Variants in CAPN13 observed in about 807,000 individuals in gnomAD.
CAPN13 encodes calpain-13.
A neutral mutation model predicts 98.4 loss-of-function variants in CAPN13; 90 were observed. The ratio of observed to expected loss-of-function variants is 0.92; its 90% confidence interval spans 0.77 to 1.09. The LOEUF is 1.09. Among genes scored for constraint, CAPN13 ranks in the 50% least tolerant of loss-of-function variants. The probability of loss-of-function intolerance (pLI) is 0.00; values close to 1 mark genes in which losing one functional copy is unlikely to be tolerated. For synonymous variants in CAPN13, 330 were observed against 305.5 expected (o/e 1.08, Z -0.84); for missense variants, 887 against 841.3 (o/e 1.05, Z -0.67).
chr2:30,788,362 T>C (rs1674431888), intron 1 of CAPN13, among the ~76,000 whole-genome samples: 1 of 152,196 alleles, frequency 6.6e-6, no homozygotes, highest in African/African-American at 2.4e-5. Flanking sequence ...TTCCTTGAGT[T>C]GACAAGGAAG....
chr2:30,756,115 T>A (rs1672431291), intron 8 of CAPN13, among the ~76,000 whole-genome samples: 1 of 151,038 alleles, frequency 6.6e-6, no homozygotes, highest in Non-Finnish European at 1.5e-5. Context: ...TAGATCCGTC[T>A]CCCCCAGTCC....
intron 5 of CAPN13, among the ~76,000 whole-genome samples, chr2:30,765,216 T>C (rs1401349364): frequency 1.3e-5 from 2 of 152,112 alleles, no homozygotes; most frequent in Non-Finnish European, 2.9e-5. Context: ...GAACTTCAGC[T>C]CCCATCCATG....
Position 30,732,584 on chromosome 2 carries a change from C to A in CAPN13, c.1799-18G>T. 1.2e-6 allele frequency: 2 copies of A among 1,601,186 alleles called. No individual in the cohort carries two copies. Among genetic ancestry groups the A allele is most frequent in the Non-Finnish European group, 1.7e-6 (2 of 1,175,526 alleles). On this transcript the variant is annotated intron_variant, in intron 19 of 22. Coordinates refer to ENST00000295055, the MANE Select transcript of CAPN13 (RefSeq NM_144575.3). ...GAGGAAGTCTGGGGCCACAGGTGAA[C>A]GAGTGAGTGAGAGGAGGCTAGGGCT...
rs142006321 is a variant in CAPN13, at chr2:30,743,638, T to A, written c.1249-59A>T. ...AGCCTCCTCTGTGCATGGACCCCAG[T>A]CACCAAGAAAGACCCACCACCTTCT... On this transcript the variant is annotated intron_variant, in intron 12 of 22. Coordinates refer to ENST00000295055, the MANE Select transcript of CAPN13 (RefSeq NM_144575.3). The A allele has an allele frequency of 4.2e-3, 6,358 of 1,517,978 alleles. 69 individuals are homozygous for A. The highest frequency in any genetic ancestry group is 0.027 in the Middle Eastern group (160 of 5,882). The allele number at this position is 1,517,978 out of a possible 1,614,324, so 94.0% of individuals were successfully genotyped here. A position where few individuals can be genotyped will look rare whatever the true frequency, so the allele number is the denominator to read the frequency against.
chr2:30,738,605 T>C, intron 15 of CAPN13, 148 bp from the exon 16 acceptor site: 1 of 801,240 alleles, frequency 1.2e-6, no homozygotes, highest in Non-Finnish European at 2.1e-6. Flanking sequence ...ACTTACCTGA[T>C]GGCTGCCAGC....
At chr2:30,744,491 C>T (rs931250999) in intron 12 of CAPN13, among the ~76,000 whole-genome samples, 1 of 152,196 alleles carries the variant, frequency 6.6e-6, no homozygotes, top group Non-Finnish European at 1.5e-5. Context: ...AGAGGGTCAG[C>T]AGTGTCCCGT....
rs72867131 is a variant in CAPN13 at position 30,744,556 on chromosome 2, G to C, written c.1249-977C>G. ...TGTGTGGGTGCATGGGGAGGCAGTGGGCATGCAGAGGTGTGTGGGCAGCAT... is the reference window on the plus strand; with the variant it reads ...TGTGTGGGTGCATGGGGAGGCAGTGCGCATGCAGAGGTGTGTGGGCAGCAT... On this transcript the variant is annotated intron_variant, in intron 12 of 22. Coordinates refer to ENST00000295055, the MANE Select transcript of CAPN13 (RefSeq NM_144575.3). Among the ~76,000 whole-genome samples the C allele has an allele frequency of 5.4e-3, 817 of 152,264 alleles. 8 individuals carry two copies. The highest frequency in any genetic ancestry group is 0.019 in the African/African-American group (786 of 41,552).
chr2:30,744,038 G>A (rs182628411), intron 12 of CAPN13, among the ~76,000 whole-genome samples: 5 of 152,252 alleles, frequency 3.3e-5, no homozygotes, highest in Admixed American at 2.0e-4. Context: ...GTGAAGCCCC[G>A]AGATTCCTTC....
chr2:30,791,850 T>G (rs922479688), intron 1 of CAPN13, among the ~76,000 whole-genome samples: 2 of 152,260 alleles, frequency 1.3e-5, no homozygotes, highest in Admixed American at 1.3e-4. Flanking sequence ...TTATTATTTA[T>G]TTATCTGACT....
intron 9 of CAPN13, among the ~76,000 whole-genome samples, chr2:30,753,628 C>T: frequency 6.6e-6 from 1 of 152,190 alleles, no homozygotes; most frequent in East Asian, 1.9e-4. Flanking sequence ...ATCCCACCTC[C>T]TACTGTGATT....
At chr2:30,733,892 G>T (rs1671222858) in intron 19 of CAPN13, among the ~76,000 whole-genome samples, 1 of 152,194 alleles carries the variant, frequency 6.6e-6, no homozygotes, top group Non-Finnish European at 1.5e-5. Context: ...TTCCCAGTTT[G>T]CAGGGTAGTT....
At chr2:30,781,483 TG>T (rs2148061225) in intron 2 of CAPN13, among the ~76,000 whole-genome samples, 1 of 152,292 alleles carries the variant, frequency 6.6e-6, no homozygotes, top group East Asian at 1.9e-4. Context: ...ACATTTGAGT[TG>T]GGGGATTTAG....
At chr2:30,725,996 A>G (rs1023320490) in intron 22 of CAPN13, among the ~76,000 whole-genome samples, 3 of 152,228 alleles carry the variant, frequency 2.0e-5, no homozygotes, top group Admixed American at 6.5e-5. Flanking sequence ...GATGTAAGCT[A>G]ATACTAACAA....
At chr2:30,732,296 G>A (rs1430185874) in intron 20 of CAPN13, 142 bp downstream of exon 20, 9 of 952,638 alleles carry the variant, frequency 9.4e-6, no homozygotes, top group East Asian at 2.6e-5. Flanking sequence ...CTACAGCCTC[G>A]GTTGGCACCT....
At chr2:30,749,851 T>C (rs545033223) in intron 11 of CAPN13, among the ~76,000 whole-genome samples, 32 of 152,284 alleles carry the variant, frequency 2.1e-4, no homozygotes, top group Admixed American at 5.9e-4. Context: ...TGCAGTGAAT[T>C]GTTTGGAGGA....
intron 1 of CAPN13, among the ~76,000 whole-genome samples, chr2:30,801,465 C>T (rs999695473): frequency 3.3e-5 from 5 of 151,674 alleles, no homozygotes; most frequent in Admixed American, 1.3e-4. Flanking sequence ...ACTAGCTGGG[C>T]GTGGTGGTGT....
intron 5 of CAPN13, among the ~76,000 whole-genome samples, chr2:30,768,216 G>T (rs527867833): frequency 1.3e-5 from 2 of 152,272 alleles, no homozygotes; most frequent in East Asian, 1.9e-4. Context: ...GGGCCGATGG[G>T]GTCCTGACCC....
Position 30,745,659 on chromosome 2 carries a change from T to C in CAPN13, c.1248+64A>G, listed in dbSNP as rs1209929314. On this transcript the variant is annotated intron_variant, in intron 12 of 22. Transcript: ENST00000295055. ...ACGTGGAGGCCATGGGCGTTGGAAG[T>C]GGCCTAACACTCCACCAGCAGACAG... The C allele has an allele frequency of 8.3e-6, 13 of 1,566,358 alleles. No individual in the cohort carries two copies. In the Admixed American group the frequency reaches 1.7e-4, roughly 21 times the overall value.
At chr2:30,775,874 T>A (rs1482019103) in intron 4 of CAPN13, 56 bp downstream of exon 4, 3 of 1,327,880 alleles carry the variant, frequency 2.3e-6, no homozygotes, top group Non-Finnish European at 2.1e-6. Flanking sequence ...ACTTTCACCT[T>A]CCCTGTACTC....
Sources: gnomAD v4.1 joint callset for allele counts (sites outside exome capture counted in the v4.1 genomes callset) on GRCh38, gnomAD v4.1.1 for gene constraint, MANE v1.5 for transcripts, NCBI Gene and HGNC (gene_info 2026-07-23, HGNC 2026-07-21) for gene names.